MSI2: variants seen among roughly 807,000 people sequenced by gnomAD.
The protein encoded by MSI2 is RNA-binding protein Musashi homolog 2.
A neutral mutation model predicts 45.6 loss-of-function variants in MSI2; 17 were observed. The observed-to-expected ratio is 0.37, with a 90% CI of 0.26 to 0.56. The LOEUF (loss-of-function observed/expected upper bound fraction) is 0.56, where lower values mean the gene tolerates loss of function less well. MSI2 is among the 20% of genes least tolerant of loss of function. The pLI is 0.77. For missense variants in MSI2, 293 were observed against 444.2 expected (o/e 0.66, Z 3.06); for synonymous variants, 156 against 158.2 (o/e 0.99, Z 0.11).
intron 5 of MSI2, among the ~76,000 whole-genome samples, chr17:57,324,716 C>A (rs555590702): frequency 6.6e-6 from 1 of 152,210 alleles, no homozygotes; most frequent in Non-Finnish European, 1.5e-5. Context: ...CATCCTGGAC[C>A]TTTCCCTCCT....
chr17:57,276,960 G>T (rs570622856), intron 5 of MSI2, among the ~76,000 whole-genome samples: 5 of 152,124 alleles, frequency 3.3e-5, no homozygotes, highest in South Asian at 2.1e-4. Context: ...CAGGGGAAAG[G>T]AGACCTGGAG....
chr17:57,466,659 G>A (rs1170351979), intron 6 of MSI2, among the ~76,000 whole-genome samples: 1 of 152,126 alleles, frequency 6.6e-6, no homozygotes, highest in Non-Finnish European at 1.5e-5. Flanking sequence ...TCTGGTTTAA[G>A]TTGGGAGAAA....
At chr17:57,655,371 A>G (rs1289049834) in intron 11 of MSI2, among the ~76,000 whole-genome samples, 1 of 152,150 alleles carries the variant, frequency 6.6e-6, no homozygotes, top group Non-Finnish European at 1.5e-5. Flanking sequence ...AGTTTGACAG[A>G]AGCCTCCCCC....
intron 4 of MSI2, 76 bp from the exon 5 acceptor site, chr17:57,262,075 A>T: frequency 7.0e-7 from 1 of 1,438,460 alleles, no homozygotes; most frequent in Non-Finnish European, 9.8e-7. Flanking sequence ...ATGAGTGATT[A>T]ATAATTAGGT....
At chr17:57,689,227 T>C (rs1913938253), downstream of MSI2, among the ~76,000 whole-genome samples, 1 of 152,190 alleles carries the variant, frequency 6.6e-6, no homozygotes, top group African/African-American at 2.4e-5. Context: ...TGCTTATTAA[T>C]AGTATGTTCT....
intron 10 of MSI2, chr17:57,631,064 T>C (rs1909323927): frequency 1.3e-5 from 2 of 152,382 alleles, no homozygotes; most frequent in African/African-American, 4.8e-5. Flanking sequence ...ATGTTTTCTT[T>C]GTGGTCTTTC....
At chr17:57,392,951 G>C (rs1272778761) in intron 5 of MSI2, among the ~76,000 whole-genome samples, 1 of 152,002 alleles carries the variant, frequency 6.6e-6, no homozygotes, top group Non-Finnish European at 1.5e-5. Flanking sequence ...ATGGATTTTA[G>C]TATATTCACA....
At chr17:57,308,893 A>G (rs892603182) in intron 5 of MSI2, among the ~76,000 whole-genome samples, 9 of 152,186 alleles carry the variant, frequency 5.9e-5, no homozygotes, top group Non-Finnish European at 1.3e-4. Context: ...AGGCGAGGGT[A>G]CAGTTGGGCT....
In MSI2 at chr17:57,618,893, G is replaced by C. The variant is rs1908006994; in HGVS notation, c.652+2809G>C. On this transcript the variant is annotated intron_variant, in intron 9 of 13. Transcript: ENST00000284073. ...ATAAAAGCAAAATAAAAATAAGAAA[G>C]AGTTGAGCCTATTACCACCTACTGG... 2.0e-5 allele frequency among the ~76,000 whole-genome samples: 3 copies of C among 152,320 alleles called. No homozygotes were observed. The South Asian group carries it at 6.2e-4, about 32-fold the overall frequency.
intron 7 of MSI2, among the ~76,000 whole-genome samples, chr17:57,536,491 G>A (rs1443520433): frequency 6.6e-6 from 1 of 152,202 alleles, no homozygotes; most frequent in Non-Finnish European, 1.5e-5. Context: ...CTCGTTTGGG[G>A]TCTGGAGCAG....
intron 7 of MSI2, among the ~76,000 whole-genome samples, chr17:57,551,840 C>A (rs2087313912): frequency 6.6e-6 from 1 of 152,126 alleles, no homozygotes; most frequent in African/African-American, 2.4e-5. Context: ...CAAGGATTGA[C>A]TAGAGGTGAT....
the MSI2 span, among the ~76,000 whole-genome samples, chr17:57,692,412 C>T: frequency 6.6e-6 from 1 of 152,022 alleles, no homozygotes; most frequent in African/African-American, 2.4e-5. Context: ...ATTATTTCTT[C>T]CTTAGGCCCA....
chr17:57,325,162 G>A (rs1462060657), intron 5 of MSI2, among the ~76,000 whole-genome samples: 1 of 152,144 alleles, frequency 6.6e-6, no homozygotes, highest in African/African-American at 2.4e-5. Flanking sequence ...ACAAAATAAT[G>A]TCTTTTGCAG....
At chr17:57,350,225 G>GGTGTGTGTGT (rs58596259) in intron 5 of MSI2, among the ~76,000 whole-genome samples, 42,833 of 146,494 alleles carry the variant, frequency 0.29, 6,252 homozygotes, top group African/African-American at 0.32. Flanking sequence ...CAGAGGTAGG[G>GGTGTGTGTGT]GTGTGTGTGT....
rs1323517334 is a variant in MSI2 at position 57,611,435 on chromosome 17, G to A, written c.538-4535G>A. ...CAGCCAGCCAAAAGCCAGAGTGTGA[G>A]GAGTGCCTCCTGCTGCCCTGTCAGC... is the stretch of plus-strand genomic sequence containing the variant. On this transcript the variant is annotated intron_variant, in intron 8 of 13. Transcript: ENST00000284073. Among the ~76,000 whole-genome samples the A allele has an allele frequency of 1.9e-4, 18 of 95,714 alleles. 5 individuals are homozygous for A. The highest frequency in any genetic ancestry group is 4.2e-4 in the African/African-American group (13 of 30,788). 62.8% of individuals were successfully genotyped at this position (95,714 alleles called of 152,430 possible). A position where few individuals can be genotyped will look rare whatever the true frequency, so the allele number is the denominator to read the frequency against.
chr17:57,595,462 T>C, intron 7 of MSI2, among the ~76,000 whole-genome samples: 1 of 152,086 alleles, frequency 6.6e-6, no homozygotes, highest in East Asian at 1.9e-4. Flanking sequence ...AAACGGTTTA[T>C]TTCTCACAGT....
At chr17:57,518,302 T>C (rs74605584) in intron 6 of MSI2, among the ~76,000 whole-genome samples, 2,412 of 152,292 alleles carry the variant, frequency 0.016, 81 homozygotes, top group East Asian at 0.082. Context: ...TTTCCAAGCC[T>C]ACAAAACTCC....
chr17:57,677,406 C>T (rs922290308), intron 13 of MSI2, among the ~76,000 whole-genome samples: 1 of 152,238 alleles, frequency 6.6e-6, no homozygotes, highest in East Asian at 1.9e-4. Flanking sequence ...GTGCTGTGCC[C>T]GTCCCAGGGG....
chr17:57,312,888 C>A (rs1458756767), intron 5 of MSI2, among the ~76,000 whole-genome samples: 4 of 152,134 alleles, frequency 2.6e-5, no homozygotes, highest in African/African-American at 9.7e-5. Context: ...CGCTCTGTTG[C>A]CAGGCTGGAG....
Sources: gnomAD v4.1 joint callset for allele counts (sites outside exome capture counted in the v4.1 genomes callset) on GRCh38, gnomAD v4.1.1 for gene constraint, MANE v1.5 for transcripts, NCBI Gene and HGNC (gene_info 2026-07-23, HGNC 2026-07-21) for gene names.